Variants in NRXN3 observed in about 807,000 individuals in gnomAD.
NRXN3 encodes neurexin 3.
Under a neutral mutation model 137.6 loss-of-function variants are expected in NRXN3, and 32 were observed. The observed-to-expected ratio is 0.23, with a 90% CI of 0.18 to 0.31. The LOEUF is 0.31. Ranked by LOEUF, NRXN3 falls within the 10% of genes least tolerant of loss-of-function variation. The pLI is 1.00. For synonymous variants in NRXN3, 798 were observed against 784.5 expected (o/e 1.02, Z -0.29); for missense variants, 1,574 against 2,062.5 (o/e 0.76, Z 4.59).
intron 4 of NRXN3, among the ~76,000 whole-genome samples, chr14:78,570,292 G>A (rs1011611634): frequency 6.6e-6 from 1 of 152,050 alleles, no homozygotes; most frequent in Non-Finnish European, 1.5e-5. Context: ...GAAGTCTGCA[G>A]TACAGAAGAG....
chr14:78,650,778 T>C (rs1171329089), intron 5 of NRXN3, among the ~76,000 whole-genome samples: 1 of 152,232 alleles, frequency 6.6e-6, no homozygotes, highest in Non-Finnish European at 1.5e-5. Context: ...TCTTCTTTGC[T>C]GTTTTTCACT....
At chr14:79,704,160 G>A (rs1053925297) in intron 19 of NRXN3, among the ~76,000 whole-genome samples, 1 of 152,128 alleles carries the variant, frequency 6.6e-6, no homozygotes, top group East Asian at 1.9e-4. Context: ...ATTCTATTAG[G>A]TTGAAGTGTA....
At chr14:79,283,188 T>C (rs1259631302) in intron 15 of NRXN3, among the ~76,000 whole-genome samples, 1 of 152,210 alleles carries the variant, frequency 6.6e-6, no homozygotes, top group Non-Finnish European at 1.5e-5. Context: ...TTACTGCCAA[T>C]CTTATTCCAG....
At chr14:79,171,856 C>G (rs186089071) in intron 15 of NRXN3, among the ~76,000 whole-genome samples, 68 of 150,930 alleles carry the variant, frequency 4.5e-4, no homozygotes, top group African/African-American at 1.6e-3. Flanking sequence ...ATAATTCCAA[C>G]TAAGGTAAAG....
chr14:79,485,207 A>G (rs1004182248), intron 16 of NRXN3, among the ~76,000 whole-genome samples: 2 of 152,156 alleles, frequency 1.3e-5, no homozygotes, highest in African/African-American at 4.8e-5. Context: ...TGTTAAGAAT[A>G]TTAAGGAACA....
chr14:78,386,902 C>T (rs933471165), intron 4 of NRXN3, among the ~76,000 whole-genome samples: 4 of 152,034 alleles, frequency 2.6e-5, no homozygotes, highest in African/African-American at 7.2e-5. Context: ...ATCTCAGCCT[C>T]CCAAGTAGCT....
At chr14:79,237,995 A>G (rs1026962328) in intron 15 of NRXN3, among the ~76,000 whole-genome samples, 4 of 152,166 alleles carry the variant, frequency 2.6e-5, no homozygotes, top group East Asian at 1.9e-4. Context: ...GTTTTTAATT[A>G]TGAGGTATTT....
chr14:79,484,089 G>A (rs1039367965), intron 16 of NRXN3, among the ~76,000 whole-genome samples: 5 of 152,108 alleles, frequency 3.3e-5, no homozygotes, highest in Admixed American at 6.5e-5. Context: ...CACTGGTCAC[G>A]AACCGGATCA....
At chr14:78,187,962 A>G (rs1209656496) in intron 1 of NRXN3, among the ~76,000 whole-genome samples, 1 of 152,120 alleles carries the variant, frequency 6.6e-6, no homozygotes, top group Non-Finnish European at 1.5e-5. Flanking sequence ...CTACCAATTC[A>G]CTGTATGCTC....
At chr14:79,338,446 C>T (rs112505059) in intron 15 of NRXN3, among the ~76,000 whole-genome samples, 1 of 152,068 alleles carries the variant, frequency 6.6e-6, no homozygotes, top group East Asian at 1.9e-4. Flanking sequence ...CTCCAGTGTA[C>T]TTAGTAGAGA....
intron 15 of NRXN3, among the ~76,000 whole-genome samples, chr14:79,249,451 G>T (rs577447813): frequency 6.6e-6 from 1 of 152,296 alleles, no homozygotes; most frequent in South Asian, 2.1e-4. Flanking sequence ...ATTAGCAAGT[G>T]CTGGTGAAAC....
At chr14:78,351,721 G>T (rs2083517323) in intron 4 of NRXN3, among the ~76,000 whole-genome samples, 1 of 149,786 alleles carries the variant, frequency 6.7e-6, no homozygotes, top group South Asian at 2.1e-4. Context: ...CCTTTCACTG[G>T]AAAGGATTAT....
chr14:78,218,543 G>GA (rs1225351580), intron 1 of NRXN3, among the ~76,000 whole-genome samples: 1 of 152,196 alleles, frequency 6.6e-6, no homozygotes, highest in African/African-American at 2.4e-5. Context: ...CATTTTCTGG[G>GA]ATACTAATTC....
chr14:78,192,787 A>T (rs750092231), intron 1 of NRXN3, among the ~76,000 whole-genome samples: 10 of 152,182 alleles, frequency 6.6e-5, no homozygotes, highest in Non-Finnish European at 1.2e-4. Flanking sequence ...CAAAGAGGGC[A>T]GGGGTAGGAG....
chr14:78,896,119 GT>G (rs1214412237), intron 10 of NRXN3, among the ~76,000 whole-genome samples: 1 of 151,786 alleles, frequency 6.6e-6, no homozygotes, highest in Non-Finnish European at 1.5e-5. Flanking sequence ...CCATCAATTT[GT>G]TTTTAAAAAT....
intron 10 of NRXN3, among the ~76,000 whole-genome samples, chr14:78,886,520 C>A (rs1039886482): frequency 4.0e-5 from 6 of 151,654 alleles, no homozygotes; most frequent in Non-Finnish European, 8.8e-5. Context: ...TTTCTGATCC[C>A]AAACACTTTA....
chr14:78,770,781 C>T (rs2098724625), intron 8 of NRXN3, among the ~76,000 whole-genome samples: 2 of 151,930 alleles, frequency 1.3e-5, no homozygotes, highest in Admixed American at 6.5e-5. Context: ...GTAAGTAAGG[C>T]AAGGACATGA....
In NRXN3 at chr14:78,957,334, T is replaced by C; in HGVS notation, c.2368T>C (p.Leu790=). Reference sequence around the variant, plus strand: ...GGTGCGGAGAGGAAAAAGCCTTAAGTTAACCGTGGATGATGATGTGGCTGA... The same window carrying C: ...GGTGCGGAGAGGAAAAAGCCTTAAGCTAACCGTGGATGATGATGTGGCTGA... The part of the protein sequence containing the change: ...RVVRRGKSLK[L]TVDDDVAEGT... Residue 790 remains leucine (L), a synonymous_variant, in exon 11 of 21, where the codon TTA becomes CTA. Coordinates refer to ENST00000335750, the MANE Select transcript of NRXN3 (RefSeq NM_001330195.2). 1.2e-6 allele frequency: 2 copies of C among 1,614,092 alleles called. No homozygotes were observed. Among genetic ancestry groups the C allele is most frequent in the Non-Finnish European group, 1.7e-6 (2 of 1,180,006 alleles).
At chr14:79,628,420 C>G (rs1404674005) in intron 16 of NRXN3, among the ~76,000 whole-genome samples, 1 of 152,130 alleles carries the variant, frequency 6.6e-6, no homozygotes, top group Non-Finnish European at 1.5e-5. Context: ...TTCGAAGGAC[C>G]TGTGTCTCTA....
Sources: allele counts gnomAD v4.1 joint callset (sites outside exome capture counted in the v4.1 genomes callset), GRCh38; gene constraint gnomAD v4.1.1; transcripts MANE v1.5; gene names NCBI Gene and HGNC (gene_info 2026-07-23, HGNC 2026-07-21).